OTOGL: variants seen among roughly 807,000 people sequenced by gnomAD.
OTOGL encodes otogelin like, also known as otogelin-like protein.
A neutral mutation model predicts 318.5 loss-of-function variants in OTOGL; 285 were observed. That is an observed-to-expected ratio of 0.89 (90% CI 0.81 to 0.99). The LOEUF is 0.99. OTOGL is among the 50% of genes least tolerant of loss of function. The probability of loss-of-function intolerance (pLI) is 0.00; values close to 1 mark genes in which losing one functional copy is unlikely to be tolerated. For synonymous variants in OTOGL, 987 were observed against 936.5 expected (o/e 1.05, Z -0.99); for missense variants, 2,899 against 2,845.6 (o/e 1.02, Z -0.43).
intron 11 of OTOGL, among the ~76,000 whole-genome samples, chr12:80,248,182 TA>T (rs1881100140): frequency 7.0e-6 from 1 of 143,306 alleles, no homozygotes; most frequent in Non-Finnish European, 1.5e-5. Flanking sequence ...TTAATATTGT[TA>T]TGTGTGAATT....
In OTOGL at chr12:80,312,638, CTT is replaced by C. The variant is rs530970491; in HGVS notation, c.3451-835_3451-834del. On this transcript the variant is annotated intron_variant, in intron 30 of 58. Coordinates refer to ENST00000547103, the MANE Select transcript of OTOGL (RefSeq NM_001378609.3). ...TTTATAAAAAGGGTTGCTTTTGAGACTTTTCAGAGTTTCCAAGGACCACACCT... is the reference window on the plus strand; with the variant it reads ...TTTATAAAAAGGGTTGCTTTTGAGACTTCAGAGTTTCCAAGGACCACACCT... Among the ~76,000 whole-genome samples, 78 of 152,234 alleles carry C rather than the reference CTT, an allele frequency of 5.1e-4. 1 individual carries two copies. Among genetic ancestry groups the C allele is most frequent in the Admixed American group, 3.7e-3 (57 of 15,290 alleles).
Position 80,342,020 on chromosome 12 carries a change from T to C in OTOGL, c.5123T>C (p.Ile1708Thr), listed in dbSNP as rs367858052. Residue 1708 changes from isoleucine to threonine, a missense_variant, in exon 44 of 59, where the codon ATA (isoleucine) becomes ACA (threonine). Ile to Thr is a moderately conservative substitution (Grantham distance 89). Coordinates refer to ENST00000547103, the MANE Select transcript of OTOGL (RefSeq NM_001378609.3). ...NGTIITNMED[I>T]GLFIESWEIE... ...ACAATTATTACAAATATGGAAGACATAGGATTATTTATTGAGAGCTGGGAA... is the reference window on the plus strand; with the variant it reads ...ACAATTATTACAAATATGGAAGACACAGGATTATTTATTGAGAGCTGGGAA... The C allele has an allele frequency of 6.2e-6, 10 of 1,608,096 alleles. No individual in the cohort carries two copies. The African/African-American group carries it at 1.1e-4, about 17-fold the overall frequency.
intron 26 of OTOGL, 50 bp downstream of exon 26, chr12:80,279,216 T>TA: frequency 3.3e-6 from 5 of 1,508,940 alleles, no homozygotes; most frequent in Non-Finnish European, 4.5e-6. Context: ...AGATTTAATG[T>TA]AAAAAACAAG....
intron 57 of OTOGL, among the ~76,000 whole-genome samples, chr12:80,375,407 A>G (rs531421996): frequency 6.6e-6 from 1 of 152,304 alleles, no homozygotes; most frequent in Non-Finnish European, 1.5e-5. Context: ...GAATGAAGCA[A>G]TGTCTGCATG....
rs139487469 is a variant in OTOGL at position 80,198,280 on chromosome 12, T to A, written c.-19-11133T>A. Among the ~76,000 whole-genome samples the A allele has an allele frequency of 2.4e-3, 366 of 152,236 alleles. 3 individuals carry two copies. The highest frequency in any genetic ancestry group is 8.5e-3 in the African/African-American group (355 of 41,560). On this transcript the variant is annotated intron_variant, in intron 1 of 58. Transcript: ENST00000547103. Reference sequence around the variant, plus strand: ...AATATCTCCCTATTTGTGGTAAGCTTCCTATCAGTTTAAAAATAATTACCT... The same window carrying A: ...AATATCTCCCTATTTGTGGTAAGCTACCTATCAGTTTAAAAATAATTACCT...
chr12:80,166,847 C>T (rs1466018687), intron 1 of OTOGL, among the ~76,000 whole-genome samples: 1 of 151,950 alleles, frequency 6.6e-6, no homozygotes, highest in Non-Finnish European at 1.5e-5. Context: ...ATAAATAAAG[C>T]ACGAATTGGA....
At chr12:80,109,907 C>T in intron 1 of OTOGL, among the ~76,000 whole-genome samples, 1 of 151,926 alleles carries the variant, frequency 6.6e-6, no homozygotes, top group Non-Finnish European at 1.5e-5. Flanking sequence ...CTAGTAAATT[C>T]CCTTACACAC....
chr12:80,141,758 G>A lies in OTOGL; in HGVS notation c.-20+42153G>A, dbSNP rs564057983. On this transcript the variant is annotated intron_variant, in intron 1 of 58. Transcript: ENST00000547103. ...GTTCAACAGAAAGTCAAAAAGTCAAGAATTTCAAGTTGCTTATATTTTACA... is the reference window on the plus strand; with the variant it reads ...GTTCAACAGAAAGTCAAAAAGTCAAAAATTTCAAGTTGCTTATATTTTACA... Among the ~76,000 whole-genome samples the A allele has an allele frequency of 7.9e-5, 12 of 152,192 alleles. No homozygotes were observed. The South Asian group carries it at 2.5e-3, about 32-fold the overall frequency.
chr12:80,209,189 C>T (rs1248943155), intron 1 of OTOGL, among the ~76,000 whole-genome samples: 2 of 152,008 alleles, frequency 1.3e-5, no homozygotes, highest in Admixed American at 6.6e-5. Flanking sequence ...GTAACTAATA[C>T]GGGCTCAGGT....
At chr12:80,332,306 G>C (rs2137893562) in intron 37 of OTOGL, among the ~76,000 whole-genome samples, 1 of 152,286 alleles carries the variant, frequency 6.6e-6, no homozygotes, top group African/African-American at 2.4e-5. Context: ...GCAGCAATAG[G>C]AAACTAATGA....
chr12:80,271,456 G>A (rs375162115), intron 23 of OTOGL, among the ~76,000 whole-genome samples, 192 bp from the exon 24 acceptor site: 90 of 152,112 alleles, frequency 5.9e-4, no homozygotes, highest in African/African-American at 2.1e-3. Context: ...ATATATGTAT[G>A]AATTAATAAA....
rs780067285 is a variant in OTOGL, at chr12:80,209,427, C to T, written c.-5C>T. 234 of 1,480,878 alleles carry T rather than the reference C, an allele frequency of 1.6e-4. No homozygotes were observed. Among genetic ancestry groups the T allele is most frequent in the Non-Finnish European group, 2.0e-4 (223 of 1,112,934 alleles). The allele number at this position is 1,480,878 out of a possible 1,614,324, so 91.7% of individuals were successfully genotyped here. ...TTACATTTCAGGGGGAAAGGCTACA[C>T]TGAAATGAACATTGTAAGAAAACTC... On this transcript the variant is annotated 5_prime_UTR_variant, in exon 2 of 59. Transcript: ENST00000547103.
In OTOGL at chr12:80,265,098, C is replaced by T. The variant is rs374769406; in HGVS notation, c.2112C>T (p.His704=). 110 of 1,613,884 alleles carry T rather than the reference C, an allele frequency of 6.8e-5. No individual in the cohort carries two copies. The highest frequency in any genetic ancestry group is 5.7e-4 in the African/African-American group (43 of 75,060). Residue 704 remains histidine, a synonymous_variant, in exon 20 of 59, where the codon CAC becomes CAT. Transcript: ENST00000547103. ...GGCTGTACTATCAGCTATGCCGCCA[C>T]GATGCATGCAAGTGTGGAAGCTCCT... ...SPGLYYQLCR[H]DACKCGSSCL... is the part of the protein sequence containing the mutation.
In OTOGL at chr12:80,278,244, G is replaced by A; in HGVS notation, c.2758G>A (p.Gly920Arg). The A allele has an allele frequency of 6.5e-7, 1 of 1,545,696 alleles. No individual in the cohort carries two copies. Among genetic ancestry groups the A allele is most frequent in the Non-Finnish European group, 8.7e-7 (1 of 1,143,238 alleles). The part of the protein sequence containing the change: ...CIWKDWEYLS[G>R]EVIATPCYTC... ...TTGGAAAGATTGGGAGTATCTCTCA[G>A]GAGAAGTGATTGCTACACCGTGTTA... Residue 920 changes from glycine (G) to arginine (R), a missense_variant, in exon 25 of 59, where the codon GGA (glycine) becomes AGA (arginine). Coordinates refer to ENST00000547103, the MANE Select transcript of OTOGL (RefSeq NM_001378609.3).
chr12:80,277,513 T>G (rs1883901445), intron 24 of OTOGL, among the ~76,000 whole-genome samples: 1 of 149,858 alleles, frequency 6.7e-6, no homozygotes, highest in South Asian at 2.1e-4. Context: ...AACATTTGTA[T>G]GTGTTTAACT....
chr12:80,184,126 G>T (rs1309668146), intron 1 of OTOGL, among the ~76,000 whole-genome samples: 1 of 152,126 alleles, frequency 6.6e-6, no homozygotes, highest in Non-Finnish European at 1.5e-5. Context: ...TGTAGCATGT[G>T]GCCTTGCATT....
intron 1 of OTOGL, among the ~76,000 whole-genome samples, chr12:80,196,892 G>T (rs566713741): frequency 5.3e-5 from 8 of 152,268 alleles, no homozygotes; most frequent in South Asian, 4.1e-4. Flanking sequence ...TGAGGGGAAG[G>T]GGGTGGTCGG....
At chr12:80,215,184 T>TGA (rs1347507095) in intron 4 of OTOGL, among the ~76,000 whole-genome samples, 2 of 150,964 alleles carry the variant, frequency 1.3e-5, no homozygotes, top group Non-Finnish European at 3.0e-5. Context: ...TTTTTTTTTT[T>TGA]GAGAGAGAGT....
intron 24 of OTOGL, among the ~76,000 whole-genome samples, chr12:80,273,838 G>C (rs957850437): frequency 6.6e-6 from 1 of 151,916 alleles, no homozygotes; most frequent in Non-Finnish European, 1.5e-5. Flanking sequence ...GGTAATTTTT[G>C]CAATATTTCA....
Sources: gnomAD v4.1 joint callset for allele counts (sites outside exome capture counted in the v4.1 genomes callset) on GRCh38, gnomAD v4.1.1 for gene constraint, MANE v1.5 for transcripts, NCBI Gene and HGNC (gene_info 2026-07-23, HGNC 2026-07-21) for gene names.